The following KIAA1217 variants were observed in gnomAD, a reference collection of about 807,000 sequenced individuals.
KIAA1217 encodes sickle tail protein homolog.
KIAA1217 carries 88 observed loss-of-function variants against 163.9 expected under a neutral mutation model. The observed-to-expected ratio is 0.54, with a 90% CI of 0.45 to 0.64. KIAA1217 has a LOEUF of 0.64. Ranked by LOEUF, KIAA1217 falls within the 30% of genes least tolerant of loss-of-function variation. The probability of loss-of-function intolerance (pLI) is 0.00; values close to 1 mark genes in which losing one functional copy is unlikely to be tolerated. For synonymous variants in KIAA1217, 903 were observed against 923.1 expected (o/e 0.98, Z 0.39); for missense variants, 2,372 against 2,475.0 (o/e 0.96, Z 0.88).
At position 24,157,663 on chromosome 10, in the gene KIAA1217, A is replaced by C. The variant is rs75809967; in HGVS notation, c.-170-61963A>C. ...TACAAGGATGGCAAATTAGCACACAAAAAAAATTTTCAACATAATTGTTTA... is the reference window on the plus strand; with the variant it reads ...TACAAGGATGGCAAATTAGCACACACAAAAAATTTTCAACATAATTGTTTA... On this transcript the variant is annotated intron_variant, in intron 2 of 18. Coordinates refer to the KIAA1217 transcript ENST00000376462. Among the ~76,000 whole-genome samples the C allele has an allele frequency of 1.9e-4, 29 of 152,314 alleles. 1 individual carries two copies. In the East Asian group the frequency reaches 5.0e-3, roughly 26 times the overall value.
intron 2 of KIAA1217, among the ~76,000 whole-genome samples, chr10:24,203,666 A>G (rs765035998): frequency 3.9e-5 from 6 of 152,102 alleles, no homozygotes; most frequent in Non-Finnish European, 5.9e-5. Flanking sequence ...ACTCTATTGA[A>G]AGGGTTGATA....
At chr10:24,157,556 C>G (rs1252006424) in intron 2 of KIAA1217, among the ~76,000 whole-genome samples, 2 of 152,132 alleles carry the variant, frequency 1.3e-5, no homozygotes, top group African/African-American at 4.8e-5. Flanking sequence ...GGAAATCTTT[C>G]CTTGACCCAA....
At chr10:23,919,837 A>G (rs1842786473) in intron 1 of KIAA1217, among the ~76,000 whole-genome samples, 2 of 152,122 alleles carry the variant, frequency 1.3e-5, no homozygotes, top group African/African-American at 4.8e-5. Flanking sequence ...GAACGACTGC[A>G]AAATTCTGCC....
chr10:23,765,363 C>T (rs1313996761), intron 1 of KIAA1217, among the ~76,000 whole-genome samples: 4 of 151,598 alleles, frequency 2.6e-5, no homozygotes, highest in Non-Finnish European at 4.4e-5. Context: ...TTAGTAGAGA[C>T]GGGGTTTCAC....
chr10:24,470,785 T>C (rs2063429861), intron 5 of KIAA1217, among the ~76,000 whole-genome samples: 1 of 152,170 alleles, frequency 6.6e-6, no homozygotes, highest in African/African-American at 2.4e-5. Flanking sequence ...ATTAGCACCT[T>C]ATTTGCACTT....
At chr10:23,750,475 T>A (rs1029947758) in intron 1 of KIAA1217, among the ~76,000 whole-genome samples, 1 of 152,140 alleles carries the variant, frequency 6.6e-6, no homozygotes, top group African/African-American at 2.4e-5. Context: ...CTCTTCACAG[T>A]TTGGCTTTTG....
At chr10:24,363,544 A>C (rs1203401419) in intron 2 of KIAA1217, among the ~76,000 whole-genome samples, 2 of 140,798 alleles carry the variant, frequency 1.4e-5, no homozygotes, top group Non-Finnish European at 3.1e-5. Flanking sequence ...ACATTCCTTT[A>C]GTTTTTTGTG....
intron 1 of KIAA1217, among the ~76,000 whole-genome samples, chr10:23,745,508 A>G (rs1419926898): frequency 6.6e-6 from 1 of 152,222 alleles, no homozygotes; most frequent in African/African-American, 2.4e-5. Context: ...AATTGGCAAT[A>G]GACTTCAATA....
At chr10:23,752,801 A>T (rs1172287091) in intron 1 of KIAA1217, among the ~76,000 whole-genome samples, 1 of 152,274 alleles carries the variant, frequency 6.6e-6, no homozygotes, top group Middle Eastern at 3.4e-3. Flanking sequence ...TTGCTGGTTT[A>T]AAAAAATTCC....
chr10:23,724,752 C>A (rs1280573862), intron 1 of KIAA1217, among the ~76,000 whole-genome samples: 2 of 152,174 alleles, frequency 1.3e-5, no homozygotes, highest in Non-Finnish European at 1.5e-5. Context: ...CTTAAAACTT[C>A]ATGTACATTT....
At chr10:24,074,099 T>A (rs770621924) in intron 2 of KIAA1217, among the ~76,000 whole-genome samples, 3 of 152,118 alleles carry the variant, frequency 2.0e-5, no homozygotes, top group Non-Finnish European at 4.4e-5. Flanking sequence ...ACCCCAGCAC[T>A]TTGGGAGGCC....
intron 2 of KIAA1217, among the ~76,000 whole-genome samples, chr10:24,129,042 C>A (rs1433189290): frequency 6.6e-6 from 1 of 152,122 alleles, no homozygotes; most frequent in South Asian, 2.1e-4. Flanking sequence ...GGGTAGTAAT[C>A]CTTTCTCACC....
chr10:23,741,905 G>A lies in KIAA1217; in HGVS notation c.-321+46671G>A, dbSNP rs528206192. Among the ~76,000 whole-genome samples, 3 of 152,338 alleles carry A rather than the reference G, an allele frequency of 2.0e-5. No individual in the cohort carries two copies. The South Asian group carries it at 6.2e-4, about 32-fold the overall frequency. On this transcript the variant is annotated intron_variant, in intron 1 of 18. Transcript: ENST00000376462. ...AACAAGTGATGGGATGAGGCCATCT[G>A]GGGATATGGAGTCCAGGCACAGGAA...
chr10:24,437,746 A>G (rs2060159459), intron 4 of KIAA1217, among the ~76,000 whole-genome samples: 1 of 152,194 alleles, frequency 6.6e-6, no homozygotes, highest in Non-Finnish European at 1.5e-5. Flanking sequence ...CTATTTCTTC[A>G]CATCCAGCAA....
chr10:23,818,356 A>G (rs1837464731), intron 1 of KIAA1217, among the ~76,000 whole-genome samples: 1 of 143,160 alleles, frequency 7.0e-6, no homozygotes, highest in African/African-American at 2.6e-5. Context: ...AAAAAAATAT[A>G]TATATATATA....
At chr10:23,901,824 T>C (rs969945791) in intron 1 of KIAA1217, among the ~76,000 whole-genome samples, 1 of 149,242 alleles carries the variant, frequency 6.7e-6, no homozygotes, top group African/African-American at 2.5e-5. Flanking sequence ...ACCAGGAGAA[T>C]CGTTTGAACC....
chr10:24,220,146 G>C (rs918067689), intron 2 of KIAA1217, among the ~76,000 whole-genome samples: 1 of 152,134 alleles, frequency 6.6e-6, no homozygotes, highest in African/African-American at 2.4e-5. Flanking sequence ...GGCCAGAGAG[G>C]AAGGGCCTAG....
At chr10:23,763,136 C>T (rs571932133) in intron 1 of KIAA1217, among the ~76,000 whole-genome samples, 2 of 152,176 alleles carry the variant, frequency 1.3e-5, no homozygotes, top group South Asian at 4.1e-4. Flanking sequence ...TGGAAAAACA[C>T]TCCATCCTCA....
intron 1 of KIAA1217, among the ~76,000 whole-genome samples, chr10:23,794,393 CTCTA>C (rs1279762010): frequency 2.6e-5 from 4 of 152,210 alleles, no homozygotes; most frequent in South Asian, 2.1e-4. Context: ...CTGTTCTACT[CTCTA>C]TCTATTTCCA....
Sources: allele counts gnomAD v4.1 joint callset (sites outside exome capture counted in the v4.1 genomes callset), GRCh38; gene constraint gnomAD v4.1.1; transcripts MANE v1.5; gene names NCBI Gene and HGNC (gene_info 2026-07-23, HGNC 2026-07-21).